The following QRSL1 variants were observed in gnomAD, a reference collection of about 807,000 sequenced individuals.
The protein encoded by QRSL1 is glutaminyl-tRNA amidotransferase subunit QRSL1, also known as glutamyl-tRNA(Gln) amidotransferase subunit A, mitochondrial.
In QRSL1, 54 loss-of-function variants were observed where a neutral mutation model predicts 61.6. The observed-to-expected ratio is 0.88, with a 90% confidence interval of 0.70 to 1.10. The LOEUF (loss-of-function observed/expected upper bound fraction) is 1.10. Ranked by LOEUF, QRSL1 falls within the 50% of genes least tolerant of loss-of-function variation. The pLI, the probability that QRSL1 is intolerant of heterozygous loss-of-function variation, is 0.00. For missense variants in QRSL1, 505 were observed against 622.6 expected, an observed-to-expected ratio of 0.81 and a Z score of 2.01; for synonymous variants, 228 against 225.7, an observed-to-expected ratio of 1.01 and a Z score of -0.09.
At chr6:106,650,778 G>A (rs1180810460) in intron 5 of QRSL1, among the ~76,000 whole-genome samples, 1 of 152,192 alleles carries the variant, frequency 6.6e-6, no homozygotes, top group Non-Finnish European at 1.5e-5. Flanking sequence ...AGTACTGCAT[G>A]TCTGGATGAA....
Position 106,667,128 on chromosome 6 carries a change from CA to C in QRSL1, c.*1127del, listed in dbSNP as rs1219768605. ...CACAGATTGGAAACTTGGTAGATAG[CA>C]GAGCATGGTATTAGTGAAAAAGGTT... On this transcript the variant is annotated 3_prime_UTR_variant, in exon 11 of 11. Transcript: ENST00000369046. The C allele has an allele frequency of 6.6e-6, 1 of 152,188 alleles. No individual in the cohort carries two copies. Among genetic ancestry groups the C allele is most frequent in the Non-Finnish European group, 1.5e-5 (1 of 68,044 alleles). The allele number at this position is 152,188 out of a possible 1,614,324, so 9.4% of individuals were successfully genotyped here.
intron 4 of QRSL1, among the ~76,000 whole-genome samples, chr6:106,644,707 A>G (rs1373378980): frequency 6.6e-6 from 1 of 151,994 alleles, no homozygotes; most frequent in Non-Finnish European, 1.5e-5. Flanking sequence ...TTTAGTAGAG[A>G]TGGGGTTTCA....
rs1554200732 is a variant in QRSL1 at position 106,639,116 on chromosome 6, G to GTTTTTT, written c.25-1231_25-1230insTTTTTT. On this transcript the variant is annotated intron_variant, in intron 1 of 10. Transcript: ENST00000369046. ...ACTTGTGTGGTTATTTGTGTGTTTT[G>GTTTTTT]TTGTTTTTTTTTTTTTTTTTTTTTT... Among the ~76,000 whole-genome samples, 127 of 54,342 alleles carry GTTTTTT rather than the reference G, an allele frequency of 2.3e-3. 8 individuals are homozygous for GTTTTTT. The highest frequency in any genetic ancestry group is 0.014 in the East Asian group (34 of 2,514). 35.7% of individuals were successfully genotyped at this position (54,342 alleles called of 152,430 possible).
intron 10 of QRSL1, among the ~76,000 whole-genome samples, chr6:106,663,959 C>T (rs1777397770): frequency 6.6e-6 from 1 of 152,166 alleles, no homozygotes; most frequent in Non-Finnish European, 1.5e-5. Flanking sequence ...ACACTCACCA[C>T]ACAAACAACT....
chr6:106,629,662 G>T lies in QRSL1; in HGVS notation c.-20G>T. ...TCCCCCTTGCCTGGCTCCTGTGGTG[G>T]CAGGCTGGGCACGAGGACCATGCTG... On this transcript the variant is annotated 5_prime_UTR_variant, in exon 1 of 11. Coordinates refer to ENST00000369046, the MANE Select transcript of QRSL1 (RefSeq NM_018292.5). 6.2e-7 allele frequency: 1 copy of T among 1,601,484 alleles called. No homozygotes were observed. Among genetic ancestry groups the T allele is most frequent in the Non-Finnish European group, 8.5e-7 (1 of 1,174,792 alleles).
chr6:106,663,436 T>C (rs567129475), intron 10 of QRSL1, among the ~76,000 whole-genome samples: 34 of 152,314 alleles, frequency 2.2e-4, no homozygotes, highest in Non-Finnish European at 4.4e-4. Flanking sequence ...TACAGGAAGC[T>C]GAGCAGCTTC....
chr6:106,659,928 G>A (rs1169136980), intron 9 of QRSL1, among the ~76,000 whole-genome samples: 1 of 152,146 alleles, frequency 6.6e-6, no homozygotes, highest in African/African-American at 2.4e-5. Flanking sequence ...CCAGCCTTGG[G>A]AATTTCTTCT....
At chr6:106,641,368 G>C (rs534879347) in intron 3 of QRSL1, among the ~76,000 whole-genome samples, 2 of 152,298 alleles carry the variant, frequency 1.3e-5, no homozygotes, top group South Asian at 4.1e-4. Flanking sequence ...GATAACATGG[G>C]AATAAGTATG....
intron 9 of QRSL1, among the ~76,000 whole-genome samples, chr6:106,656,848 G>C (rs558713170): frequency 2.5e-4 from 38 of 152,262 alleles, no homozygotes; most frequent in African/African-American, 8.9e-4. Context: ...GTAGAGACGG[G>C]ATCCTGCCAT....
chr6:106,664,720 TATC>T (rs1777406393), intron 10 of QRSL1, among the ~76,000 whole-genome samples: 1 of 152,220 alleles, frequency 6.6e-6, no homozygotes, highest in Non-Finnish European at 1.5e-5. Flanking sequence ...AAACAGTTAA[TATC>T]AGTTTGTCTC....
chr6:106,646,558 G>GA (rs1199023594), intron 4 of QRSL1, among the ~76,000 whole-genome samples: 1 of 152,008 alleles, frequency 6.6e-6, no homozygotes. Context: ...AGCACTGTGG[G>GA]AAACTGAGGC....
At chr6:106,638,947 T>C (rs1776965149) in intron 1 of QRSL1, among the ~76,000 whole-genome samples, 2 of 152,130 alleles carry the variant, frequency 1.3e-5, no homozygotes, top group Admixed American at 6.6e-5. Flanking sequence ...CAAACTAAGC[T>C]TCCAATAGAG....
In QRSL1 at chr6:106,640,427, A is replaced by T; in HGVS notation, c.103A>T (p.Lys35Ter). 6.2e-7 allele frequency: 1 copy of T among 1,611,944 alleles called. No individual in the cohort carries two copies. Among genetic ancestry groups the T allele is most frequent in the Non-Finnish European group, 8.5e-7 (1 of 1,178,802 alleles). ...QKCLSLIKKT[K>*]FLNAYITVSE... ...ATGTCTCTCTCTTATCAAGAAGACC[A>T]AGTTTCTAAATGCCTACATTACTGT... Residue 35 changes from lysine to a stop codon, truncating the protein, a stop_gained, in exon 2 of 11, where the codon AAG (lysine) becomes TAG (stop). Transcript: ENST00000369046. LOFTEE classifies it high-confidence loss of function.
intron 9 of QRSL1, among the ~76,000 whole-genome samples, chr6:106,658,172 G>GA (rs904419054): frequency 6.6e-6 from 1 of 151,784 alleles, no homozygotes; most frequent in African/African-American, 2.4e-5. Flanking sequence ...TCTAAAATGA[G>GA]AAAAATAGTG....
Position 106,640,498 on chromosome 6 carries a change from A to T in QRSL1, c.174A>T (p.Arg58Ser). 1 of 1,573,168 alleles carries T rather than the reference A, an allele frequency of 6.4e-7. No individual in the cohort carries two copies. Among genetic ancestry groups the T allele is most frequent in the Non-Finnish European group, 8.6e-7 (1 of 1,165,316 alleles). Residue 58 changes from arginine to serine, a missense_variant, in exon 2 of 11, where the codon AGA becomes AGT. Coordinates refer to ENST00000369046, the MANE Select transcript of QRSL1 (RefSeq NM_018292.5). ...AACAAGCTGAAGAATCAGAAAAGAG[A>T]TATAAGAATGGTAAATTGCTTTTAA... Reference protein sequence around the residue: ...ALKQAEESEKRYKNGQSLGDL... With the variant: ...ALKQAEESEKSYKNGQSLGDL...
chr6:106,652,626 C>T, intron 7 of QRSL1, 44 bp downstream of exon 7: 2 of 1,611,986 alleles, frequency 1.2e-6, no homozygotes, highest in Non-Finnish European at 1.7e-6. Context: ...CTGTCAAGTC[C>T]AATAGAGAGC....
intron 10 of QRSL1, among the ~76,000 whole-genome samples, chr6:106,665,075 A>G (rs1015893699): frequency 2.6e-5 from 4 of 152,152 alleles, no homozygotes; most frequent in African/African-American, 9.7e-5. Flanking sequence ...TTGATGGTCA[A>G]ATTGCCTTAA....
At chr6:106,660,964 C>T (rs1164143678) in intron 9 of QRSL1, among the ~76,000 whole-genome samples, 1 of 152,132 alleles carries the variant, frequency 6.6e-6, no homozygotes, top group Non-Finnish European at 1.5e-5. Context: ...AGTTAAATTT[C>T]AGCATGAGTT....
intron 4 of QRSL1, among the ~76,000 whole-genome samples, chr6:106,648,549 A>G (rs1202026945): frequency 6.6e-6 from 1 of 152,204 alleles, no homozygotes; most frequent in Non-Finnish European, 1.5e-5. Flanking sequence ...TGTTGACCGT[A>G]GGTATGTCTG....
Sources: gnomAD v4.1 joint callset for allele counts (sites outside exome capture counted in the v4.1 genomes callset) on GRCh38, gnomAD v4.1.1 for gene constraint, MANE v1.5 for transcripts, NCBI Gene and HGNC (gene_info 2026-07-23, HGNC 2026-07-21) for gene names.